The following GRM8 variants were observed in gnomAD, a reference collection of about 807,000 sequenced individuals.
GRM8 encodes the protein glutamate metabotropic receptor 8.
A neutral mutation model predicts 87.2 loss-of-function variants in GRM8; 47 were observed. The ratio of observed to expected loss-of-function variants is 0.54; its 90% confidence interval spans 0.43 to 0.69. The LOEUF (loss-of-function observed/expected upper bound fraction) is 0.69. Ranked by LOEUF, GRM8 falls within the 30% of genes least tolerant of loss-of-function variation. The pLI is 0.00. For synonymous variants in GRM8, 396 were observed against 404.5 expected, an observed-to-expected ratio of 0.98 and a Z score of 0.25; for missense variants, 1,019 against 1,139.2, an observed-to-expected ratio of 0.89 and a Z score of 1.52.
At chr7:126,588,582 GAA>G (rs1476504631) in intron 8 of GRM8, among the ~76,000 whole-genome samples, 1 of 152,152 alleles carries the variant, frequency 6.6e-6, no homozygotes, top group African/African-American at 2.4e-5. Context: ...ACTGGATAAA[GAA>G]AATGTGACAC....
chr7:126,537,772 G>C (rs760362805), intron 8 of GRM8, among the ~76,000 whole-genome samples: 5 of 151,320 alleles, frequency 3.3e-5, no homozygotes, highest in Non-Finnish European at 7.4e-5. Context: ...GCGAGACTCC[G>C]TCAAAAAAAA....
chr7:127,150,725 C>T (rs957370330), intron 2 of GRM8, among the ~76,000 whole-genome samples: 7 of 152,204 alleles, frequency 4.6e-5, no homozygotes, highest in Admixed American at 6.5e-5. Flanking sequence ...TGTCCTCAAC[C>T]TCTATGCTCT....
At chr7:126,821,375 C>T (rs139933038) in intron 6 of GRM8, among the ~76,000 whole-genome samples, 63 of 152,308 alleles carry the variant, frequency 4.1e-4, no homozygotes, top group African/African-American at 1.3e-3. Flanking sequence ...CGAGCTCTAC[C>T]ATTACCGCTG....
chr7:127,019,919 A>G (rs893117259), intron 3 of GRM8, among the ~76,000 whole-genome samples: 1 of 151,962 alleles, frequency 6.6e-6, no homozygotes, highest in African/African-American at 2.4e-5. Flanking sequence ...CTCTGCAAAC[A>G]TTATCTCCTT....
At chr7:127,191,732 T>C in intron 2 of GRM8, among the ~76,000 whole-genome samples, 1 of 152,216 alleles carries the variant, frequency 6.6e-6, no homozygotes, top group South Asian at 2.1e-4. Flanking sequence ...ATTTTCAACA[T>C]TAGCTACCAA....
intron 3 of GRM8, among the ~76,000 whole-genome samples, chr7:126,973,919 A>G (rs956179640): frequency 6.6e-6 from 1 of 152,190 alleles, no homozygotes; most frequent in East Asian, 1.9e-4. Context: ...AATGAACAAC[A>G]TGAGGATTAT....
intron 7 of GRM8, among the ~76,000 whole-genome samples, chr7:126,742,488 C>T (rs931996156): frequency 2.0e-5 from 3 of 151,844 alleles, no homozygotes; most frequent in Non-Finnish European, 4.4e-5. Flanking sequence ...CCTCACAGCC[C>T]CCACCCCACC....
intron 6 of GRM8, among the ~76,000 whole-genome samples, chr7:126,839,186 G>T (rs1458650974): frequency 1.3e-5 from 2 of 152,118 alleles, no homozygotes; most frequent in African/African-American, 2.4e-5. Flanking sequence ...GAAAGTAGGG[G>T]CATTATTATA....
At chr7:127,089,216 G>C (rs1272391052) in intron 3 of GRM8, among the ~76,000 whole-genome samples, 3 of 152,220 alleles carry the variant, frequency 2.0e-5, no homozygotes, top group Non-Finnish European at 2.9e-5. Context: ...ATGTGACAAT[G>C]AAGCCAGAGA....
At chr7:126,591,784 C>T (rs943219407) in intron 8 of GRM8, among the ~76,000 whole-genome samples, 4 of 150,884 alleles carry the variant, frequency 2.7e-5, no homozygotes, top group Non-Finnish European at 5.9e-5. Context: ...AAGATCATCA[C>T]AGAAATAAAT....
At chr7:126,862,035 T>A (rs1354981718) in intron 6 of GRM8, among the ~76,000 whole-genome samples, 1 of 151,936 alleles carries the variant, frequency 6.6e-6, no homozygotes, top group African/African-American at 2.4e-5. Context: ...CTCTTGCTAT[T>A]CCAAGGCAGA....
At chr7:126,768,487 A>T (rs1389186142) in intron 7 of GRM8, among the ~76,000 whole-genome samples, 1 of 151,618 alleles carries the variant, frequency 6.6e-6, no homozygotes, top group African/African-American at 2.4e-5. Context: ...ATATTACAGG[A>T]TGGTATAATA....
At chr7:126,997,886 T>C (rs977158492) in intron 3 of GRM8, among the ~76,000 whole-genome samples, 1 of 151,826 alleles carries the variant, frequency 6.6e-6, no homozygotes, top group Non-Finnish European at 1.5e-5. Context: ...TTACTCAAAC[T>C]ATTTCAAAAA....
At position 127,121,169 on chromosome 7, in the gene GRM8, C is replaced by T. The variant is rs181625033; in HGVS notation, c.511-14457G>A. Among the ~76,000 whole-genome samples the T allele has an allele frequency of 2.6e-4, 39 of 152,222 alleles. 1 individual carries two copies. The highest frequency in any genetic ancestry group is 7.7e-4 in the East Asian group (4 of 5,174). On this transcript the variant is annotated intron_variant, in intron 2 of 10. Transcript: ENST00000339582. ...GTCTGATTGTTACTGCTTTAGGAGA[C>T]GGATGAAAAGATTTATTTTCCTTTG...
At chr7:126,560,576 C>T (rs1338047839) in intron 8 of GRM8, among the ~76,000 whole-genome samples, 1 of 152,138 alleles carries the variant, frequency 6.6e-6, no homozygotes, top group African/African-American at 2.4e-5. Flanking sequence ...TCAAAATTCA[C>T]TGTTTTTGTG....
chr7:126,746,017 A>C (rs1258899420), intron 7 of GRM8, among the ~76,000 whole-genome samples: 1 of 151,824 alleles, frequency 6.6e-6, no homozygotes, highest in Non-Finnish European at 1.5e-5. Flanking sequence ...AAGAAAGCTA[A>C]GAGAATACTG....
chr7:126,655,221 CAT>C (rs1451839227), intron 7 of GRM8, among the ~76,000 whole-genome samples: 1 of 152,140 alleles, frequency 6.6e-6, no homozygotes, highest in African/African-American at 2.4e-5. Flanking sequence ...ATCATTCACT[CAT>C]GTTTTCAATG....
chr7:126,458,671 A>C (rs570754189), intron 9 of GRM8, among the ~76,000 whole-genome samples: 3 of 151,302 alleles, frequency 2.0e-5, no homozygotes, highest in Non-Finnish European at 4.4e-5. Context: ...CTTCACAGAG[A>C]TCAATTATGA....
chr7:126,477,579 GAGAGAAAGAAAGAAAGAAAGAAAGAA>G (rs1806101514), intron 9 of GRM8, among the ~76,000 whole-genome samples: 12 of 81,534 alleles, frequency 1.5e-4, no homozygotes, highest in African/African-American at 4.1e-4. Flanking sequence ...AAGAAAGAAA[GAGAGAAAGAAAGAAAGAAAGAAAGAA>G]AGAAAGAAAG....
Sources: allele counts gnomAD v4.1 joint callset (sites outside exome capture counted in the v4.1 genomes callset), GRCh38; gene constraint gnomAD v4.1.1; transcripts MANE v1.5; gene names NCBI Gene and HGNC (gene_info 2026-07-23, HGNC 2026-07-21).